Variants in RBFOX1 observed in about 807,000 individuals in gnomAD.
RBFOX1 encodes the protein RNA binding protein fox-1 homolog 1.
In RBFOX1, 8 loss-of-function variants were observed where a neutral mutation model predicts 57.7. The ratio of observed to expected loss-of-function variants is 0.14; its 90% confidence interval spans 0.08 to 0.25. The LOEUF (loss-of-function observed/expected upper bound fraction) is 0.25, where lower values mean the gene tolerates loss of function less well. Ranked by LOEUF, RBFOX1 falls within the 10% of genes least tolerant of loss-of-function variation. The pLI is 1.00. For synonymous variants in RBFOX1, 326 were observed against 222.4 expected, an observed-to-expected ratio of 1.47 and a Z score of -4.15; for missense variants, 611 against 548.5, an observed-to-expected ratio of 1.11 and a Z score of -1.14.
intron 4 of RBFOX1, among the ~76,000 whole-genome samples, chr16:7,351,535 T>C (rs2097130037): frequency 6.6e-6 from 1 of 152,250 alleles, no homozygotes; most frequent in African/African-American, 2.4e-5. Flanking sequence ...AAGTGAGTGC[T>C]ATGAAGAAAA....
chr16:6,016,442 A>G (rs1276365827), upstream of RBFOX1, among the ~76,000 whole-genome samples: 1 of 152,248 alleles, frequency 6.6e-6, no homozygotes. Flanking sequence ...CACAGAGTGA[A>G]CTTAAAAAGA....
At chr16:7,517,360 G>C (rs118181177) in intron 4 of RBFOX1, among the ~76,000 whole-genome samples, 2,262 of 152,130 alleles carry the variant, frequency 0.015, 25 homozygotes, top group Non-Finnish European at 0.024. Context: ...ATAATACTCT[G>C]TGCTCATAAA....
chr16:7,482,253 T>C (rs1164401493), intron 4 of RBFOX1, among the ~76,000 whole-genome samples: 1 of 152,220 alleles, frequency 6.6e-6, no homozygotes, highest in Non-Finnish European at 1.5e-5. Context: ...TCAAACAGTG[T>C]CAGCTGCAAT....
intron 3 of RBFOX1, among the ~76,000 whole-genome samples, chr16:5,704,034 A>G (rs2051149088): frequency 6.6e-6 from 1 of 152,144 alleles, no homozygotes; most frequent in Non-Finnish European, 1.5e-5. Context: ...AGCAAGCTGA[A>G]TGGTGCTCTT....
intron 14 of RBFOX1, among the ~76,000 whole-genome samples, chr16:7,705,373 C>T (rs933977411): frequency 6.6e-6 from 1 of 151,914 alleles, no homozygotes; most frequent in Non-Finnish European, 1.5e-5. Context: ...GGTGTGGTGG[C>T]AGGTACCTGT....
chr16:6,775,075 C>T (rs1056089917), intron 3 of RBFOX1, among the ~76,000 whole-genome samples: 1 of 151,384 alleles, frequency 6.6e-6, no homozygotes, highest in Non-Finnish European at 1.5e-5. Flanking sequence ...CCTGTAATCC[C>T]AGCACTTTGG....
chr16:5,498,728 A>G (rs1444311765), intron 2 of RBFOX1, among the ~76,000 whole-genome samples: 1 of 152,232 alleles, frequency 6.6e-6, no homozygotes, highest in Non-Finnish European at 1.5e-5. Flanking sequence ...AGCAGAAATT[A>G]TCTGATAGGC....
chr16:6,374,136 G>C (rs1481348220), intron 2 of RBFOX1, among the ~76,000 whole-genome samples: 1 of 152,202 alleles, frequency 6.6e-6, no homozygotes, highest in East Asian at 1.9e-4. Flanking sequence ...TCAACACTGA[G>C]TGTGGACTTG....
intron 14 of RBFOX1, among the ~76,000 whole-genome samples, chr16:7,680,988 G>C (rs1440718724): frequency 1.3e-5 from 2 of 152,046 alleles, no homozygotes; most frequent in African/African-American, 2.4e-5. Flanking sequence ...AAAGAGACCA[G>C]GGCTTGTTAA....
intron 3 of RBFOX1, among the ~76,000 whole-genome samples, chr16:5,724,289 C>T (rs1313969513): frequency 6.6e-6 from 1 of 152,158 alleles, no homozygotes; most frequent in African/African-American, 2.4e-5. Flanking sequence ...AGCCAGGGCC[C>T]TTGCGCACCC....
intron 4 of RBFOX1, among the ~76,000 whole-genome samples, chr16:7,086,893 G>T (rs139055878): frequency 7.9e-5 from 12 of 152,260 alleles, no homozygotes; most frequent in African/African-American, 2.6e-4. Context: ...TTGCTGAATT[G>T]GCACACAGGC....
intron 3 of RBFOX1, among the ~76,000 whole-genome samples, chr16:5,670,935 C>G (rs1343758408): frequency 1.3e-5 from 2 of 152,200 alleles, no homozygotes; most frequent in African/African-American, 4.8e-5. Context: ...GATATTGAGG[C>G]TCAGAGAGCA....
chr16:5,497,310 G>A (rs1249511093), intron 2 of RBFOX1, among the ~76,000 whole-genome samples: 1 of 151,500 alleles, frequency 6.6e-6, no homozygotes, highest in African/African-American at 2.4e-5. Flanking sequence ...GTATTGCCCT[G>A]CTGTGAAGTT....
chr16:5,340,056 T>C (rs2065000787), intron 1 of RBFOX1, among the ~76,000 whole-genome samples: 1 of 152,214 alleles, frequency 6.6e-6, no homozygotes, highest in Non-Finnish European at 1.5e-5. Flanking sequence ...TGGGCCAGAT[T>C]TGAATTTCCT....
intron 6 of RBFOX1, among the ~76,000 whole-genome samples, chr16:7,580,234 T>C (rs2093647642): frequency 6.6e-6 from 1 of 152,188 alleles, no homozygotes; most frequent in Non-Finnish European, 1.5e-5. Context: ...CTAAATCCAA[T>C]GGCCCAGGAC....
intron 3 of RBFOX1, among the ~76,000 whole-genome samples, chr16:6,806,783 T>A (rs1304130224): frequency 7.5e-6 from 1 of 133,044 alleles, no homozygotes; most frequent in Non-Finnish European, 1.6e-5. Flanking sequence ...CTTTTTCTCT[T>A]TCCTTTTCAT....
intron 4 of RBFOX1, among the ~76,000 whole-genome samples, chr16:7,411,092 T>C (rs1311807615): frequency 6.6e-6 from 1 of 152,034 alleles, no homozygotes; most frequent in African/African-American, 2.4e-5. Flanking sequence ...ACTACAGGCG[T>C]GAGCCACCAT....
intron 3 of RBFOX1, chr16:6,775,583 G>A (rs1368469026): frequency 6.6e-6 from 1 of 152,146 alleles, no homozygotes; most frequent in Non-Finnish European, 1.5e-5. Context: ...AAAAAAGATG[G>A]AGGGTTCTGA....
intron 3 of RBFOX1, among the ~76,000 whole-genome samples, chr16:7,016,741 A>G (rs2093934847): frequency 6.6e-6 from 1 of 152,136 alleles, no homozygotes; most frequent in African/African-American, 2.4e-5. Flanking sequence ...AGTTGATTAA[A>G]CTGTCTACTT....
Sources: gnomAD v4.1 joint callset for allele counts (sites outside exome capture counted in the v4.1 genomes callset) on GRCh38, gnomAD v4.1.1 for gene constraint, MANE v1.5 for transcripts, NCBI Gene and HGNC (gene_info 2026-07-23, HGNC 2026-07-21) for gene names.